Variants in GSK3B observed in about 807,000 individuals in gnomAD.
GSK3B encodes the protein glycogen synthase kinase-3 beta.
Under a neutral mutation model 56.4 loss-of-function variants are expected in GSK3B, and 15 were observed. The observed-to-expected ratio is 0.27, with a 90% confidence interval of 0.18 to 0.41. The LOEUF (loss-of-function observed/expected upper bound fraction) is 0.41, where lower values mean the gene tolerates loss of function less well. GSK3B is among the 10% of genes least tolerant of loss of function. The pLI is 1.00. For missense variants in GSK3B, 300 were observed against 513.4 expected (o/e 0.58, Z 4.02); for synonymous variants, 181 against 188.9 (o/e 0.96, Z 0.34).
chr3:119,855,131 A>AT (rs1308728734), intron 9 of GSK3B, among the ~76,000 whole-genome samples: 21 of 152,238 alleles, frequency 1.4e-4, no homozygotes, highest in Admixed American at 1.3e-3. Flanking sequence ...CTTTGTTCTC[A>AT]TTGGTTTCAA....
At chr3:119,920,244 T>G (rs2056826089) in intron 4 of GSK3B, among the ~76,000 whole-genome samples, 1 of 152,004 alleles carries the variant, frequency 6.6e-6, no homozygotes, top group Non-Finnish European at 1.5e-5. Context: ...AGAGAGGAAT[T>G]ATTCAATTTT....
intron 4 of GSK3B, among the ~76,000 whole-genome samples, chr3:119,918,597 T>C (rs1400062525): frequency 1.3e-5 from 2 of 152,212 alleles, no homozygotes. Context: ...AGATTTAACA[T>C]ATACTAAGTG....
intron 1 of GSK3B, among the ~76,000 whole-genome samples, chr3:120,087,392 TG>T (rs1182031569): frequency 1.3e-5 from 2 of 151,978 alleles, no homozygotes; most frequent in Admixed American, 6.6e-5. Flanking sequence ...ATTAGCCAGG[TG>T]TGGTGGCAGG....
rs200248846 is a variant in GSK3B, at chr3:120,093,644, C to G, written c.-210G>C. On this transcript the variant is annotated 5_prime_UTR_variant, in exon 1 of 11. Coordinates refer to ENST00000264235, the MANE Select transcript of GSK3B (RefSeq NM_001146156.2). ...ATTTCTCCTTCAAGACAGATCGGCA[C>G]GGATATTTAACATATAGATGATTTA... 3 of 458,422 alleles carry G rather than the reference C, an allele frequency of 6.5e-6. No homozygotes were observed. In the East Asian group the frequency reaches 9.2e-5, roughly 14 times the overall value. The allele number at this position is 458,422 out of a possible 1,614,324, so 28.4% of individuals were successfully genotyped here.
At chr3:120,091,912 T>A (rs2058515946) in intron 1 of GSK3B, among the ~76,000 whole-genome samples, 1 of 152,204 alleles carries the variant, frequency 6.6e-6, no homozygotes, top group Non-Finnish European at 1.5e-5. Flanking sequence ...AAAGCCAACA[T>A]GAATTGAAAT....
Position 120,002,203 on chromosome 3 carries a change from G to C in GSK3B, c.125C>G (p.Ala42Gly), listed in dbSNP as rs2107483028. 1 of 1,586,226 alleles carries C rather than the reference G, an allele frequency of 6.3e-7. No individual in the cohort carries two copies. The highest frequency in any genetic ancestry group is 8.6e-7 in the Non-Finnish European group (1 of 1,169,120). Residue 42 changes from alanine to glycine, a missense_variant, in exon 2 of 11, where the codon GCA becomes GGA. Transcript: ENST00000264235. ...KDGSKVTTVV[A>G]TPGQGPDRPQ... ...CCTGTCTGGACCCTGCCCAGGAGTT[G>C]CCACCACTGTTGTCACCTTGCTGCC...
rs2057192916 is a variant in GSK3B at position 119,954,475 on chromosome 3, T to TAA, written c.283-7126_283-7125dup. ...CAATGTTAAAATGCATGTCTTACTT[T>TAA]AAGGTCATAGTTAGAAATTTTAAAT... On this transcript the variant is annotated intron_variant, in intron 2 of 10. Transcript: ENST00000264235. 3.3e-5 allele frequency among the ~76,000 whole-genome samples: 5 copies of TAA among 152,318 alleles called. No individual in the cohort carries two copies. In the South Asian group the frequency reaches 1.0e-3, roughly 32 times the overall value.
intron 1 of GSK3B, among the ~76,000 whole-genome samples, chr3:120,064,471 A>G (rs2058263615): frequency 6.6e-6 from 1 of 152,168 alleles, no homozygotes; most frequent in Admixed American, 6.5e-5. Flanking sequence ...GAAGATTTAC[A>G]AAACTTGAAA....
intron 1 of GSK3B, among the ~76,000 whole-genome samples, chr3:120,003,036 C>A (rs2057693696): frequency 6.8e-6 from 1 of 147,394 alleles, no homozygotes. Context: ...TTCCCTGAAT[C>A]TTCTTTTTAG....
intron 1 of GSK3B, chr3:120,041,309 T>C: frequency 3.4e-6 from 1 of 296,144 alleles, no homozygotes; most frequent in Non-Finnish European, 6.9e-6. Context: ...ACCTTCCAGC[T>C]GATATATCCA....
chr3:119,903,286 G>A (rs2056643506), intron 7 of GSK3B, among the ~76,000 whole-genome samples: 1 of 152,048 alleles, frequency 6.6e-6, no homozygotes, highest in Admixed American at 6.6e-5. Flanking sequence ...CTGGATGCTT[G>A]GAAATACTTA....
chr3:119,938,255 G>C (rs1576214412), intron 3 of GSK3B, among the ~76,000 whole-genome samples: 1 of 151,878 alleles, frequency 6.6e-6, no homozygotes, highest in Admixed American at 6.6e-5. Context: ...GAAAAGGAAG[G>C]AGCACTTCTT....
chr3:120,048,648 G>C (rs2058123011), intron 1 of GSK3B, among the ~76,000 whole-genome samples: 1 of 152,152 alleles, frequency 6.6e-6, no homozygotes, highest in Non-Finnish European at 1.5e-5. Flanking sequence ...CACTAGATAG[G>C]TGTTTATTAC....
At chr3:120,015,772 A>G (rs542837089) in intron 1 of GSK3B, among the ~76,000 whole-genome samples, 2 of 152,092 alleles carry the variant, frequency 1.3e-5, no homozygotes, top group South Asian at 4.2e-4. Flanking sequence ...ACTTTGTAAG[A>G]ATTATTCAAG....
In GSK3B at chr3:119,982,635, T is replaced by C. The variant is rs566829640; in HGVS notation, c.282+19411A>G. Among the ~76,000 whole-genome samples, 14 of 152,038 alleles carry C rather than the reference T, an allele frequency of 9.2e-5. 1 individual carries two copies. In the South Asian group the frequency reaches 2.9e-3, roughly 32 times the overall value. ...TATCAGTCACTGAAGATCATATTAA[T>C]GAAATAAAGCGAGAAGGTTAGAGAA... On this transcript the variant is annotated intron_variant, in intron 2 of 10. Coordinates refer to ENST00000264235, the MANE Select transcript of GSK3B (RefSeq NM_001146156.2).
chr3:119,866,586 A>G (rs200124154), intron 8 of GSK3B: 1 of 1,597,522 alleles, frequency 6.3e-7, no homozygotes, highest in Non-Finnish European at 8.6e-7. Context: ...AATTAAGTAC[A>G]TACCCGCACT....
At chr3:120,021,153 T>C (rs753678953) in intron 1 of GSK3B, among the ~76,000 whole-genome samples, 1 of 152,032 alleles carries the variant, frequency 6.6e-6, no homozygotes, top group East Asian at 1.9e-4. Context: ...ATCCAGAAGA[T>C]TTAGCTAAGA....
chr3:119,911,281 T>A (rs1451136806), intron 6 of GSK3B, among the ~76,000 whole-genome samples: 2 of 152,144 alleles, frequency 1.3e-5, no homozygotes, highest in African/African-American at 4.8e-5. Flanking sequence ...GAGTAGTAGG[T>A]CTCAGCAGTG....
chr3:120,056,815 A>G (rs2058195073), intron 1 of GSK3B, among the ~76,000 whole-genome samples: 1 of 152,214 alleles, frequency 6.6e-6, no homozygotes. Context: ...GGAAAACAGC[A>G]TAATACACAA....
Sources: allele counts gnomAD v4.1 joint callset (sites outside exome capture counted in the v4.1 genomes callset), GRCh38; gene constraint gnomAD v4.1.1; transcripts MANE v1.5; gene names NCBI Gene and HGNC (gene_info 2026-07-23, HGNC 2026-07-21).